TANC1: variants seen among roughly 807,000 people sequenced by gnomAD.
TANC1 encodes tetratricopeptide repeat, ankyrin repeat and coiled-coil containing 1.
A neutral mutation model predicts 149.7 loss-of-function variants in TANC1; 77 were observed. The ratio of observed to expected loss-of-function variants is 0.51; its 90% CI spans 0.43 to 0.62. The LOEUF is 0.62. TANC1 is among the 20% of genes least tolerant of loss of function. TANC1 has a pLI of 0.00. For missense variants in TANC1, 1,985 were observed against 2,321.8 expected, an observed-to-expected ratio of 0.85 and a Z score of 2.98; for synonymous variants, 854 against 925.0, an observed-to-expected ratio of 0.92 and a Z score of 1.39.
chr2:159,134,057 A>G (rs769580407), intron 4 of TANC1, among the ~76,000 whole-genome samples: 8 of 152,176 alleles, frequency 5.3e-5, no homozygotes, highest in Non-Finnish European at 7.4e-5. Context: ...AGACAGAAGG[A>G]TGGTCTATCT....
intron 19 of TANC1, among the ~76,000 whole-genome samples, chr2:159,205,857 G>A (rs2058569639): frequency 6.6e-6 from 1 of 152,224 alleles, no homozygotes; most frequent in African/African-American, 2.4e-5. Flanking sequence ...ATGGCTTGTT[G>A]GGGCATGTGG....
chr2:159,095,395 A>T (rs994489037), intron 3 of TANC1, among the ~76,000 whole-genome samples: 2 of 152,178 alleles, frequency 1.3e-5, no homozygotes, highest in African/African-American at 4.8e-5. Flanking sequence ...TGACATGCCC[A>T]TTGTGGGGCT....
chr2:159,154,612 C>T (rs2053222382), intron 7 of TANC1, among the ~76,000 whole-genome samples: 1 of 152,110 alleles, frequency 6.6e-6, no homozygotes, highest in African/African-American at 2.4e-5. Context: ...CCCGCTTTAT[C>T]CTCTTTCAGG....
rs60672869 is a variant in TANC1 at position 159,125,076 on chromosome 2, T to C, written c.260-11118T>C. Among the ~76,000 whole-genome samples, 6,116 of 152,134 alleles carry C rather than the reference T, an allele frequency of 0.04. 618 individuals are homozygous for C. In the East Asian group the frequency reaches 0.43, roughly 11 times the overall value. ...ATTCTTTATGGCACATTGTAATTACTACCAAAAGTCAGAGGAAGTAAGAGC... is the reference window on the plus strand; with the variant it reads ...ATTCTTTATGGCACATTGTAATTACCACCAAAAGTCAGAGGAAGTAAGAGC... On this transcript the variant is annotated intron_variant, in intron 4 of 26. Transcript: ENST00000263635.
intron 2 of TANC1, among the ~76,000 whole-genome samples, chr2:159,019,458 A>G (rs1017778264): frequency 3.3e-5 from 5 of 152,130 alleles, no homozygotes; most frequent in Admixed American, 1.3e-4. Context: ...AGTTAAAGAC[A>G]AAAACAAAGC....
At chr2:159,102,179 A>G (rs552062400) in intron 4 of TANC1, among the ~76,000 whole-genome samples, 1 of 152,346 alleles carries the variant, frequency 6.6e-6, no homozygotes, top group South Asian at 2.1e-4. Flanking sequence ...AAAAAGAACT[A>G]CTGTGAACAT....
intron 3 of TANC1, among the ~76,000 whole-genome samples, chr2:159,069,646 C>T (rs1344271476): frequency 6.6e-6 from 1 of 151,890 alleles, no homozygotes; most frequent in East Asian, 1.9e-4. Context: ...GATATAAGAG[C>T]CACACTGGAA....
chr2:159,044,728 G>A (rs569775349), intron 2 of TANC1, among the ~76,000 whole-genome samples: 6 of 152,212 alleles, frequency 3.9e-5, no homozygotes, highest in South Asian at 4.2e-4. Context: ...TGGAGACACC[G>A]GCTCGCTTCT....
chr2:159,198,034 A>C (rs1443696737), intron 18 of TANC1, among the ~76,000 whole-genome samples: 2 of 152,064 alleles, frequency 1.3e-5, no homozygotes, highest in Non-Finnish European at 2.9e-5. Flanking sequence ...TCAATTCTTG[A>C]AGCCACCTGT....
rs1016055939 is a variant in TANC1, at chr2:158,982,816, G to A, written c.-126+14034G>A. On this transcript the variant is annotated intron_variant, in intron 1 of 26. Transcript: ENST00000263635. Reference sequence around the variant, plus strand: ...TTTTTATTTTTTTCTGTAGAGATAGGATCTGCTATGTCACCCAGGCTGGTC... The same window carrying A: ...TTTTTATTTTTTTCTGTAGAGATAGAATCTGCTATGTCACCCAGGCTGGTC... 1.1e-4 allele frequency among the ~76,000 whole-genome samples: 17 copies of A among 152,086 alleles called. 1 individual carries two copies. Among genetic ancestry groups the A allele is most frequent in the Admixed American group, 6.6e-4 (10 of 15,258 alleles).
intron 21 of TANC1, 75 bp from the exon 22 acceptor site, chr2:159,219,617 C>T: frequency 6.4e-7 from 1 of 1,567,382 alleles, no homozygotes. Context: ...GGGTGTTCCG[C>T]AGGTGTGAAA....
chr2:159,115,855 G>T (rs1179283040), intron 4 of TANC1, among the ~76,000 whole-genome samples: 1 of 152,158 alleles, frequency 6.6e-6, no homozygotes, highest in Non-Finnish European at 1.5e-5. Context: ...GGTTCTGAAA[G>T]GTAGAATTTC....
At chr2:159,108,719 G>C (rs1222675639) in intron 4 of TANC1, among the ~76,000 whole-genome samples, 1 of 152,212 alleles carries the variant, frequency 6.6e-6, no homozygotes, top group Non-Finnish European at 1.5e-5. Context: ...GGGGTGGCTG[G>C]CTGCCTCCAG....
At chr2:159,049,475 C>G (rs537035139) in intron 2 of TANC1, among the ~76,000 whole-genome samples, 2 of 152,252 alleles carry the variant, frequency 1.3e-5, no homozygotes, top group East Asian at 1.9e-4. Context: ...ACTGCTTCAT[C>G]ATCAGCAGGG....
intron 1 of TANC1, among the ~76,000 whole-genome samples, chr2:158,995,372 A>T (rs575941186): frequency 7.2e-5 from 11 of 152,318 alleles, no homozygotes; most frequent in African/African-American, 2.4e-4. Flanking sequence ...GGCACTTTTT[A>T]TACCAGTGGA....
In TANC1 at chr2:159,230,226, G is replaced by GCTGGGCCCCAGCCAGAATGTCCGC. The variant is rs749267949; in HGVS notation, c.4804_4827dup (p.Gly1602_Leu1609dup). 1.4e-5 allele frequency: 22 copies of GCTGGGCCCCAGCCAGAATGTCCGC among 1,613,898 alleles called. No homozygotes were observed. The East Asian group carries it at 4.7e-4, about 34-fold the overall frequency. ...CTGGTTGTGGCCACTTTGGGGATCG[G>GCTGGGCCCCAGCCAGAATGTCCGC]CTGGGCCCCAGCCAGAATGTCCGCC... is the stretch of plus-strand genomic sequence containing the variant. On this transcript the variant is annotated inframe_insertion, in exon 27 of 27. Transcript: ENST00000263635. The surrounding 1 kb of genome is among the most constrained non-coding windows in gnomAD (Gnocchi z 4.4).
intron 2 of TANC1, among the ~76,000 whole-genome samples, chr2:159,063,742 G>A (rs958068643): frequency 6.6e-6 from 1 of 152,206 alleles, no homozygotes; most frequent in African/African-American, 2.4e-5. Flanking sequence ...CACTGATGTG[G>A]AAGGTATGTC....
At chr2:159,031,483 T>C (rs974366747) in intron 2 of TANC1, among the ~76,000 whole-genome samples, 1 of 152,210 alleles carries the variant, frequency 6.6e-6, no homozygotes, top group Non-Finnish European at 1.5e-5. Flanking sequence ...AAACTGAGAA[T>C]TACTTATGTG....
chr2:159,087,485 CGTTGTTT>C (rs2045036390), intron 3 of TANC1, among the ~76,000 whole-genome samples: 2 of 111,468 alleles, frequency 1.8e-5, no homozygotes, highest in South Asian at 2.8e-4. Flanking sequence ...TTTTTTTTGT[CGTTGTTT>C]GTTGTTTGTT....
Sources: allele counts gnomAD v4.1 joint callset (sites outside exome capture counted in the v4.1 genomes callset), GRCh38; gene constraint gnomAD v4.1.1; non-coding constraint Gnocchi (gnomAD v3.1); transcripts MANE v1.5; gene names NCBI Gene and HGNC (gene_info 2026-07-23, HGNC 2026-07-21).